Variants in C12orf42 observed in about 807,000 individuals in gnomAD.
The protein encoded by C12orf42 is chromosome 12 open reading frame 42, also known as uncharacterized protein C12orf42.
In C12orf42, 25 loss-of-function variants were observed where a neutral mutation model predicts 21.6. That is an observed-to-expected ratio of 1.16 (90% confidence interval 0.84 to 1.62). The LOEUF (loss-of-function observed/expected upper bound fraction) is 1.62. C12orf42 is among the 40% of genes most tolerant of loss of function. The pLI is 0.00. For synonymous variants in C12orf42, 174 were observed against 175.0 expected (o/e 0.99, Z 0.05); for missense variants, 483 against 459.3 (o/e 1.05, Z -0.47).
the C12orf42 span, among the ~76,000 whole-genome samples, chr12:103,070,424 T>A: frequency 2.0e-5 from 3 of 152,016 alleles, no homozygotes; most frequent in Non-Finnish European, 4.4e-5. Context: ...GCCTTTCATC[T>A]TTGCAATTCC....
At chr12:103,455,000 C>T (rs1345357577) in intron 2 of C12orf42, among the ~76,000 whole-genome samples, 1 of 152,040 alleles carries the variant, frequency 6.6e-6, no homozygotes, top group Non-Finnish European at 1.5e-5. Context: ...CATAGGTTTT[C>T]GTGAAGATTA....
At chr12:103,088,960 G>A in the C12orf42 span, among the ~76,000 whole-genome samples, 1,807 of 151,996 alleles carry the variant, frequency 0.012, 40 homozygotes, top group African/African-American at 0.041. Context: ...AAAATCAGCC[G>A]GGCGTGGTGG....
chr12:103,071,772 C>G, the C12orf42 span, among the ~76,000 whole-genome samples: 5 of 152,154 alleles, frequency 3.3e-5, no homozygotes, highest in Non-Finnish European at 5.9e-5. Flanking sequence ...AAACCACTTT[C>G]CTTTATAAAT....
At chr12:103,541,600 GGTTT>G in the C12orf42 span, among the ~76,000 whole-genome samples, 1 of 151,896 alleles carries the variant, frequency 6.6e-6, no homozygotes, top group Non-Finnish European at 1.5e-5. Context: ...GACTTTTCCT[GGTTT>G]ATTTATTTGC....
chr12:103,127,092 TCAG>T, the C12orf42 span, among the ~76,000 whole-genome samples: 1 of 152,220 alleles, frequency 6.6e-6, no homozygotes, highest in Non-Finnish European at 1.5e-5. Context: ...TGTGGAGAAT[TCAG>T]CACTGTCATA....
chr12:103,493,187 G>A (rs1955292717), intron 1 of C12orf42, among the ~76,000 whole-genome samples: 1 of 152,146 alleles, frequency 6.6e-6, no homozygotes, highest in African/African-American at 2.4e-5. Flanking sequence ...AAATCCTTCA[G>A]TAGCTTCCTA....
At chr12:103,192,280 C>T in the C12orf42 span, among the ~76,000 whole-genome samples, 3 of 151,748 alleles carry the variant, frequency 2.0e-5, no homozygotes, top group South Asian at 2.1e-4. Context: ...TGAGGTGGGC[C>T]GATCATGAGG....
At chr12:103,249,241 G>GT (rs1465157714) in intron 10 of C12orf42, among the ~76,000 whole-genome samples, 1 of 151,992 alleles carries the variant, frequency 6.6e-6, no homozygotes. Context: ...CTTTACTTAT[G>GT]TTTTTTCATT....
the C12orf42 span, among the ~76,000 whole-genome samples, chr12:103,133,485 T>C: frequency 1.3e-5 from 2 of 152,176 alleles, no homozygotes; most frequent in African/African-American, 4.8e-5. Context: ...CTGTCACTAC[T>C]GGGGCCCAAG....
At chr12:103,154,041 A>C in the C12orf42 span, among the ~76,000 whole-genome samples, 606 of 151,044 alleles carry the variant, frequency 4.0e-3, 6 homozygotes, top group African/African-American at 0.014. Context: ...AAAAAAAAAA[A>C]AAAAAAAAAG....
the C12orf42 span, among the ~76,000 whole-genome samples, chr12:103,214,104 T>G: frequency 6.6e-6 from 1 of 152,226 alleles, no homozygotes; most frequent in Non-Finnish European, 1.5e-5. Context: ...CCATTTAATA[T>G]TCAGGTGGCT....
At chr12:103,281,060 A>T (rs2036083228) in intron 4 of C12orf42, among the ~76,000 whole-genome samples, 1 of 152,226 alleles carries the variant, frequency 6.6e-6, no homozygotes, top group Non-Finnish European at 1.5e-5. Context: ...ATAGAAATAA[A>T]ATGCTAATAC....
At chr12:103,434,706 A>G (rs998995508) in intron 2 of C12orf42, among the ~76,000 whole-genome samples, 1 of 152,200 alleles carries the variant, frequency 6.6e-6, no homozygotes, top group Non-Finnish European at 1.5e-5. Flanking sequence ...CTTAAAAAAC[A>G]CCGCACCACG....
intron 2 of C12orf42, among the ~76,000 whole-genome samples, chr12:103,435,073 C>T (rs1023416027): frequency 1.3e-5 from 2 of 152,192 alleles, no homozygotes; most frequent in African/African-American, 4.8e-5. Context: ...CAGACTGCCT[C>T]CTCAAGTGGG....
intron 2 of C12orf42, among the ~76,000 whole-genome samples, chr12:103,412,088 G>A (rs944915943): frequency 8.5e-5 from 13 of 152,222 alleles, no homozygotes; most frequent in East Asian, 5.8e-4. Flanking sequence ...CAACCAAGGC[G>A]GCAAAACACC....
chr12:103,374,416 T>A (rs1297611855), intron 3 of C12orf42, among the ~76,000 whole-genome samples: 11 of 152,162 alleles, frequency 7.2e-5, no homozygotes, highest in Admixed American at 7.2e-4. Flanking sequence ...TGGTAGAGTC[T>A]GTGGCTGCTG....
At chr12:103,432,391 G>A (rs1210922723) in intron 2 of C12orf42, among the ~76,000 whole-genome samples, 1 of 152,148 alleles carries the variant, frequency 6.6e-6, no homozygotes, top group Admixed American at 6.5e-5. Context: ...ACTGATGCTT[G>A]CCTGACCCTC....
At chr12:103,350,601 G>A (rs925450333) in intron 4 of C12orf42, among the ~76,000 whole-genome samples, 4 of 152,004 alleles carry the variant, frequency 2.6e-5, no homozygotes, top group African/African-American at 9.7e-5. Context: ...TATAGGATCC[G>A]GTATTATCCA....
intron 2 of C12orf42, among the ~76,000 whole-genome samples, chr12:103,463,069 T>C (rs1952848961): frequency 1.3e-5 from 2 of 152,192 alleles, no homozygotes; most frequent in Non-Finnish European, 2.9e-5. Context: ...GAGACTGATA[T>C]ATAATGGGAT....
Sources: allele counts gnomAD v4.1 joint callset (sites outside exome capture counted in the v4.1 genomes callset), GRCh38; gene constraint gnomAD v4.1.1; transcripts MANE v1.5; gene names NCBI Gene and HGNC (gene_info 2026-07-23, HGNC 2026-07-21).